ZNF446: variants seen among roughly 807,000 people sequenced by gnomAD.
ZNF446 encodes zinc finger protein 446.
Under a neutral mutation model 34.0 loss-of-function variants are expected in ZNF446, and 42 were observed. The observed-to-expected ratio is 1.23, with a 90% CI of 0.96 to 1.60. The LOEUF (loss-of-function observed/expected upper bound fraction) is 1.60, where lower values mean the gene tolerates loss of function less well. Ranked by LOEUF, ZNF446 falls within the 40% of genes most tolerant of loss-of-function variation. ZNF446 has a pLI of 0.00. For missense variants in ZNF446, 650 were observed against 600.2 expected (o/e 1.08, Z -0.87); for synonymous variants, 315 against 251.0 (o/e 1.25, Z -2.41).
downstream of ZNF446, among the ~76,000 whole-genome samples, chr19:58,485,467 G>A (rs896247423): frequency 1.3e-5 from 2 of 152,100 alleles, no homozygotes; most frequent in Non-Finnish European, 2.9e-5. Context: ...CTGAGATCAT[G>A]CCACTGCACT....
At chr19:58,482,566 G>A (rs899947177), downstream of ZNF446, among the ~76,000 whole-genome samples, 4 of 152,190 alleles carry the variant, frequency 2.6e-5, no homozygotes, top group African/African-American at 9.7e-5. Context: ...GGATGTTGAG[G>A]GTAGCTGCGA....
chr19:58,477,334 G>A lies in ZNF446; in HGVS notation c.116G>A (p.Gly39Asp), dbSNP rs2053096046. Residue 39 changes from glycine to aspartate, a missense_variant, in exon 2 of 7, where the codon GGT becomes GAT. Physicochemically the swap from Gly to Asp is moderately conservative, Grantham distance 94. Transcript: ENST00000594369. The part of the protein sequence containing the change: ...FRGFCYQEVA[G>D]PREALARLRE... ...GGGTTCTGCTACCAGGAGGTGGCAG[G>A]TCCCCGAGAAGCCCTGGCCCGGCTG... 6.2e-7 allele frequency: 1 copy of A among 1,613,268 alleles called. No individual in the cohort carries two copies. Among genetic ancestry groups the A allele is most frequent in the East Asian group, 2.2e-5 (1 of 44,886 alleles).
rs752910772 is a variant in ZNF446, at chr19:58,480,518, C to T, written c.1145C>T (p.Pro382Leu). 2.3e-5 allele frequency: 37 copies of T among 1,612,434 alleles called. No homozygotes were observed. The highest frequency in any genetic ancestry group is 1.8e-4 in the South Asian group (16 of 91,082). Residue 382 changes from proline to leucine, a missense_variant, in exon 7 of 7, where the codon CCG becomes CTG. Physicochemically the swap from Pro to Leu is moderately conservative, Grantham distance 98. Transcript: ENST00000594369. This position sits in a 1 kb window ranked among gnomAD's most constrained non-coding sequence, Gnocchi z 7.2. ...EKPPQGEVAFPHHPRRSLTGP... is the reference protein window; with the variant it reads ...EKPPQGEVAFLHHPRRSLTGP... ...CCACCACAAGGGGAGGTGGCCTTTC[C>T]GCACCACCCCCGACGCTCACTCACA...
At chr19:58,488,145 G>C in the ZNF446 span, among the ~76,000 whole-genome samples, 1 of 151,734 alleles carries the variant, frequency 6.6e-6, no homozygotes, top group Non-Finnish European at 1.5e-5. Context: ...TCATGGCACT[G>C]TGAGGGCAGG....
At position 58,480,283 on chromosome 19, in the gene ZNF446, G is replaced by A; in HGVS notation, c.910G>A (p.Val304Met). ...LSGAATPAPTVRPGTPPVPTQ... is the reference protein window; with the variant it reads ...LSGAATPAPTMRPGTPPVPTQ... ...TGGGGCTGCCACTCCTGCCCCCACT[G>A]TGCGCCCAGGGACACCGCCAGTGCC... is the stretch of plus-strand genomic sequence containing the variant. The change falls in exon 7 of 7, where the codon GTG becomes ATG. Residue 304 changes from valine to methionine, a missense_variant. Coordinates refer to ENST00000594369, the MANE Select transcript of ZNF446 (RefSeq NM_017908.4). This position sits in a 1 kb window ranked among gnomAD's most constrained non-coding sequence, Gnocchi z 7.2. 1 of 1,577,618 alleles carries A rather than the reference G, an allele frequency of 6.3e-7. No homozygotes were observed. The highest frequency in any genetic ancestry group is 8.6e-7 in the Non-Finnish European group (1 of 1,163,682).
In ZNF446 at chr19:58,480,346, G is replaced by A. The variant is rs1205350333; in HGVS notation, c.973G>A (p.Ala325Thr). Residue 325 changes from alanine (A) to threonine (T), a missense_variant, in exon 7 of 7, where the codon GCT becomes ACT. Coordinates refer to ENST00000594369, the MANE Select transcript of ZNF446 (RefSeq NM_017908.4). The surrounding 1 kb of genome is among the most constrained non-coding windows in gnomAD (Gnocchi z 7.2). Reference protein sequence around the residue: ...PTPAETRLEPAATPRKPYTCE... With the variant: ...PTPAETRLEPTATPRKPYTCE... ...ACCTGCAGAGACGAGACTGGAGCCG[G>A]CTGCCACCCCCAGGAAGCCCTACAC... The A allele has an allele frequency of 6.3e-7, 1 of 1,598,396 alleles. No individual in the cohort carries two copies. The highest frequency in any genetic ancestry group is 1.1e-5 in the South Asian group (1 of 89,236).
the ZNF446 span, among the ~76,000 whole-genome samples, chr19:58,489,094 T>C: frequency 6.6e-6 from 1 of 152,172 alleles, no homozygotes. Context: ...CCTTATGGTT[T>C]ATAGTTTAAA....
At chr19:58,479,812 G>T in intron 5 of ZNF446, 85 bp downstream of exon 5, 1 of 1,489,096 alleles carries the variant, frequency 6.7e-7, no homozygotes. Context: ...GGGCCTCTGT[G>T]CTACCAGCCC....
At chr19:58,485,055 A>C (rs1481166149), downstream of ZNF446, among the ~76,000 whole-genome samples, 4 of 152,176 alleles carry the variant, frequency 2.6e-5, no homozygotes, top group South Asian at 8.3e-4. Context: ...TCTCAGAAAA[A>C]TAAAAAGAAG....
chr19:58,480,578 G>A lies in ZNF446; in HGVS notation c.1205G>A (p.Cys402Tyr). 1.2e-6 allele frequency: 2 copies of A among 1,612,954 alleles called. No individual in the cohort carries two copies. Among genetic ancestry groups the A allele is most frequent in the South Asian group, 1.1e-5 (1 of 91,088 alleles). The part of the protein sequence containing the change: ...PRSYPCEECG[C>Y]SFSWKSQLVI... Reference sequence around the variant, plus strand: ...AGTTACCCGTGTGAGGAGTGCGGGTGCAGCTTCAGCTGGAAGTCGCAGCTG... The same window carrying A: ...AGTTACCCGTGTGAGGAGTGCGGGTACAGCTTCAGCTGGAAGTCGCAGCTG... Residue 402 changes from cysteine (C) to tyrosine (Y), a missense_variant, in exon 7 of 7, where the codon TGC becomes TAC. By Grantham distance (194) the Cys-to-Tyr change is radical (BLOSUM62 -2). Coordinates refer to ENST00000594369, the MANE Select transcript of ZNF446 (RefSeq NM_017908.4). This position sits in a 1 kb window ranked among gnomAD's most constrained non-coding sequence, Gnocchi z 7.2.
chr19:58,484,271 T>TA (rs34356403), downstream of ZNF446, among the ~76,000 whole-genome samples: 1,876 of 66,456 alleles, frequency 0.028, 40 homozygotes, highest in Admixed American at 0.03. Context: ...ACCCCATCTC[T>TA]AAAAAAAAAA....
chr19:58,485,013 C>T (rs796876157), downstream of ZNF446, among the ~76,000 whole-genome samples: 23 of 151,554 alleles, frequency 1.5e-4, 2 homozygotes, highest in Admixed American at 1.3e-3. Flanking sequence ...GAGCCATGAT[C>T]GTGCCAGCCG....
chr19:58,477,400 C>T lies in ZNF446; in HGVS notation c.182C>T (p.Ser61Phe). 6.2e-7 allele frequency: 1 copy of T among 1,613,442 alleles called. No homozygotes were observed. Among genetic ancestry groups the T allele is most frequent in the Non-Finnish European group, 8.5e-7 (1 of 1,180,016 alleles). Reference protein sequence around the residue: ...CCQWLQPEAHSKEQMLEMLVL... With the variant: ...CCQWLQPEAHFKEQMLEMLVL... ...CAGTGGCTGCAGCCTGAGGCACACTCCAAGGAGCAGATGCTGGAGATGCTG... is the reference window on the plus strand; with the variant it reads ...CAGTGGCTGCAGCCTGAGGCACACTTCAAGGAGCAGATGCTGGAGATGCTG... The change falls in exon 2 of 7, where the codon TCC becomes TTC. Residue 61 changes from serine (S) to phenylalanine (F), a missense_variant. Physicochemically the swap from Ser to Phe is radical, Grantham distance 155. Coordinates refer to ENST00000594369, the MANE Select transcript of ZNF446 (RefSeq NM_017908.4).
At chr19:58,476,684 G>T (rs1365787449) in intron 1 of ZNF446, among the ~76,000 whole-genome samples, 180 bp downstream of exon 1, 1 of 152,002 alleles carries the variant, frequency 6.6e-6, no homozygotes, top group Non-Finnish European at 1.5e-5. Flanking sequence ...ATGTCCACGT[G>T]CCCCCTCCCC....
chr19:58,477,459 G>A lies in ZNF446; in HGVS notation c.241G>A (p.Glu81Lys), dbSNP rs2053098194. The stretch of plus-strand genomic sequence containing the variant: ...GCAGTTCCTGGGCACACTGCCTCCC[G>A]AGATCCAGGCCTGGGTGCGCGGTCA... The part of the protein sequence containing the change: ...LEQFLGTLPP[E>K]IQAWVRGQRP... Residue 81 changes from glutamate (E) to lysine (K), a missense_variant, in exon 2 of 7, where the codon GAG (glutamate) becomes AAG (lysine). Physicochemically the swap from Glu to Lys is moderately conservative, Grantham distance 56. Coordinates refer to ENST00000594369, the MANE Select transcript of ZNF446 (RefSeq NM_017908.4). 5.0e-6 allele frequency: 8 copies of A among 1,613,486 alleles called. No individual in the cohort carries two copies. The African/African-American group carries it at 5.3e-5, about 11-fold the overall frequency.
chr19:58,486,302 G>A, the ZNF446 span, among the ~76,000 whole-genome samples: 1 of 151,820 alleles, frequency 6.6e-6, no homozygotes, highest in Admixed American at 6.6e-5. Context: ...TGTTAGCCAG[G>A]ATGGTCTCAA....
the ZNF446 span, among the ~76,000 whole-genome samples, chr19:58,488,579 C>T: frequency 1.3e-5 from 2 of 148,546 alleles, no homozygotes; most frequent in East Asian, 3.9e-4. Flanking sequence ...AGGCTGGGTG[C>T]GGTGGCTCAC....
the ZNF446 span, among the ~76,000 whole-genome samples, chr19:58,487,420 T>A: frequency 6.6e-6 from 1 of 152,090 alleles, no homozygotes; most frequent in African/African-American, 2.4e-5. Flanking sequence ...CTTAAATCTC[T>A]GAAAAGACAC....
chr19:58,478,735 T>C (rs1209303328), intron 4 of ZNF446, among the ~76,000 whole-genome samples: 1 of 151,602 alleles, frequency 6.6e-6, no homozygotes, highest in African/African-American at 2.4e-5. Flanking sequence ...CTGGAACTAG[T>C]GGGCTTGGCT....
Sources: gnomAD v4.1 joint callset for allele counts (sites outside exome capture counted in the v4.1 genomes callset) on GRCh38, gnomAD v4.1.1 for gene constraint, Gnocchi (gnomAD v3.1) non-coding constraint, MANE v1.5 for transcripts, NCBI Gene and HGNC (gene_info 2026-07-23, HGNC 2026-07-21) for gene names.